ZNF343: variants seen among roughly 807,000 people sequenced by gnomAD.
The protein encoded by ZNF343 is zinc finger protein 343.
ZNF343 carries 11 observed loss-of-function variants against 13.8 expected under a neutral mutation model. That is an observed-to-expected ratio of 0.80 (90% confidence interval 0.50 to 1.32). The LOEUF (loss-of-function observed/expected upper bound fraction) is 1.32. ZNF343 is among the 40% of genes most tolerant of loss of function. ZNF343 has a pLI of 0.00. For missense variants in ZNF343, 658 were observed against 714.2 expected (o/e 0.92, Z 0.90); for synonymous variants, 248 against 260.0 (o/e 0.95, Z 0.44).
intron 3 of ZNF343, 67 bp from the exon 4 acceptor site, chr20:2,493,644 C>T: frequency 1.0e-6 from 1 of 974,914 alleles, no homozygotes; most frequent in Non-Finnish European, 1.5e-6. Context: ...CCATGACGCT[C>T]CCTGAGCAGC....
intron 1 of ZNF343, among the ~76,000 whole-genome samples, chr20:2,506,340 G>A (rs1289933389): frequency 6.6e-6 from 1 of 152,122 alleles, no homozygotes; most frequent in African/African-American, 2.4e-5. Context: ...CTTTTACACT[G>A]TTGGTGGGAC....
In ZNF343 at chr20:2,484,356, GCTGA is replaced by G; in HGVS notation, c.601_604del (p.Ser201GlnfsTer10). ...CACCATGTTGCCTTTTCTAGGACTT[GCTGA>G]CTGTCTTTGGAGTGGGCTGGGGAAT... On this transcript the variant is annotated frameshift_variant, in exon 6 of 6. Coordinates refer to ENST00000278772, the MANE Select transcript of ZNF343 (RefSeq NM_024325.6). LOFTEE classifies it low-confidence loss of function (END_TRUNC). 6.2e-7 allele frequency: 1 copy of G among 1,614,232 alleles called. No homozygotes were observed. The highest frequency in any genetic ancestry group is 1.1e-5 in the South Asian group (1 of 91,086).
At chr20:2,485,090 G>A (rs564208069) in intron 5 of ZNF343, among the ~76,000 whole-genome samples, 3 of 152,230 alleles carry the variant, frequency 2.0e-5, no homozygotes, top group South Asian at 2.1e-4. Context: ...GAGGGCTTCC[G>A]AATGTAGGAG....
chr20:2,498,720 T>C (rs1182529287), intron 2 of ZNF343, among the ~76,000 whole-genome samples: 2 of 152,210 alleles, frequency 1.3e-5, no homozygotes, highest in Non-Finnish European at 2.9e-5. Context: ...AATTACCACA[T>C]TTCTTCCTCA....
At chr20:2,510,727 G>GA (rs2085734210), upstream of ZNF343, among the ~76,000 whole-genome samples, 1 of 152,228 alleles carries the variant, frequency 6.6e-6, no homozygotes, top group Non-Finnish European at 1.5e-5. Flanking sequence ...TTGCCAGTCA[G>GA]AAAACCAATC....
chr20:2,516,009 G>T (rs1225516825), intron 1 of ZNF343, among the ~76,000 whole-genome samples: 1 of 152,100 alleles, frequency 6.6e-6, no homozygotes, highest in Non-Finnish European at 1.5e-5. Context: ...ATGTGAGGGT[G>T]AATGTCAGGG....
In ZNF343 at chr20:2,483,691, G is replaced by A. The variant is rs2085221743; in HGVS notation, c.1270C>T (p.Leu424Phe). The A allele has an allele frequency of 6.2e-7, 1 of 1,610,650 alleles. No individual in the cohort carries two copies. The highest frequency in any genetic ancestry group is 8.5e-7 in the Non-Finnish European group (1 of 1,178,510). Residue 424 changes from leucine (L) to phenylalanine (F), a missense_variant, in exon 6 of 6, where the codon CTC (leucine) becomes TTC (phenylalanine). Coordinates refer to ENST00000278772, the MANE Select transcript of ZNF343 (RefSeq NM_024325.6). Reference protein sequence around the residue: ...CGRGFSQNSDLIKHQRTHLDE... With the variant: ...CGRGFSQNSDFIKHQRTHLDE... The stretch of plus-strand genomic sequence containing the variant: ...AAGTGTGTCCTCTGGTGTTTGATGA[G>A]ATCTGAGTTCTGGCTAAAGCCTCGC...
Position 2,484,373 on chromosome 20 carries a change from T to C in ZNF343, c.588A>G (p.Pro196=), listed in dbSNP as rs767734455. The C allele has an allele frequency of 1.9e-6, 3 of 1,614,076 alleles. No individual in the cohort carries two copies. Among genetic ancestry groups the C allele is most frequent in the African/African-American group, 1.3e-5 (1 of 74,924 alleles). ...ERETSRAFPS[P]LQRQSASPRK... ...TAGGACTTGCTGACTGTCTTTGGAGTGGGCTGGGGAATGCCCTTGAGGTTT... is the reference window on the plus strand; with the variant it reads ...TAGGACTTGCTGACTGTCTTTGGAGCGGGCTGGGGAATGCCCTTGAGGTTT... Residue 196 remains proline, a synonymous_variant, in exon 6 of 6, where the codon CCA becomes CCG. Transcript: ENST00000278772.
In ZNF343 at chr20:2,483,168, G is replaced by A; in HGVS notation, c.1793C>T (p.Thr598Ile). The change falls in exon 6 of 6, where the codon ACA (threonine) becomes ATA (isoleucine). Residue 598 changes from threonine to isoleucine, a missense_variant. Thr to Ile is a moderately conservative substitution (Grantham distance 89). Coordinates refer to ENST00000278772, the MANE Select transcript of ZNF343 (RefSeq NM_024325.6). The part of the protein sequence containing the change: ...HKSNLIRHQR[T>I]H Reference sequence around the variant, plus strand: ...ATACACAGGTTTCTCCCGTCAGTGTGTCCTCTGGTGTCTGATGAGATTTGA... The same window carrying A: ...ATACACAGGTTTCTCCCGTCAGTGTATCCTCTGGTGTCTGATGAGATTTGA... 3 of 1,606,526 alleles carry A rather than the reference G, an allele frequency of 1.9e-6. No individual in the cohort carries two copies. The highest frequency in any genetic ancestry group is 2.6e-6 in the Non-Finnish European group (3 of 1,175,940).
intron 4 of ZNF343, 34 bp from the exon 5 acceptor site, chr20:2,492,859 C>G: frequency 6.2e-7 from 1 of 1,608,310 alleles, no homozygotes; most frequent in Non-Finnish European, 8.5e-7. Context: ...GTATAGCAAG[C>G]CACCATCAAT....
chr20:2,515,400 G>A (rs1255516834), intron 1 of ZNF343, among the ~76,000 whole-genome samples: 1 of 152,230 alleles, frequency 6.6e-6, no homozygotes, highest in East Asian at 1.9e-4. Context: ...AATATGTATT[G>A]TTATATGGAG....
In ZNF343 at chr20:2,490,537, G is replaced by GTTTTTTTTTTTTTTTTTTTTTTT. The variant is rs67601660; in HGVS notation, c.304+2161_304+2162insAAAAAAAAAAAAAAAAAAAAAAA. 3.2e-5 allele frequency among the ~76,000 whole-genome samples: 4 copies of GTTTTTTTTTTTTTTTTTTTTTTT among 124,650 alleles called. 1 individual carries two copies. Among genetic ancestry groups the GTTTTTTTTTTTTTTTTTTTTTTT allele is most frequent in the Non-Finnish European group, 5.3e-5 (3 of 56,700 alleles). The allele number at this position is 124,650 out of a possible 152,430, so 81.8% of individuals were successfully genotyped here. A position where few individuals can be genotyped will look rare whatever the true frequency, so the allele number is the denominator to read the frequency against. ...TGCTGTTTTATGGGTCTTTTTTTTG[G>GTTTTTTTTTTTTTTTTTTTTTTT]TTTTTGTTTTTTTTTTTGAGATGGA... is the stretch of plus-strand genomic sequence containing the variant. On this transcript the variant is annotated intron_variant, in intron 5 of 5. Coordinates refer to ENST00000278772, the MANE Select transcript of ZNF343 (RefSeq NM_024325.6).
chr20:2,517,469 G>A (rs1184669560), intron 1 of ZNF343, among the ~76,000 whole-genome samples: 1 of 151,626 alleles, frequency 6.6e-6, no homozygotes, highest in African/African-American at 2.4e-5. Context: ...CAAAGGGGCA[G>A]CCTGCTGAAG....
Position 2,493,528 on chromosome 20 carries a change from G to A in ZNF343, c.168C>T (p.Ala56=). Residue 56 remains alanine, a synonymous_variant, in exon 4 of 6, where the codon GCC becomes GCT. Coordinates refer to ENST00000278772, the MANE Select transcript of ZNF343 (RefSeq NM_024325.6). The stretch of plus-strand genomic sequence containing the variant: ...TGTAACCCCAACTCACCACTATTTG[G>A]GCCTTTCCCTCCTTTTTCTGGGGGC... ...TDCPQKKEGK[A]QIVVPVTFRD... 2.5e-6 allele frequency: 4 copies of A among 1,613,710 alleles called. No individual in the cohort carries two copies. The highest frequency in any genetic ancestry group is 2.5e-6 in the Non-Finnish European group (3 of 1,179,854).
chr20:2,514,040 G>A (rs1045946406), intron 1 of ZNF343, among the ~76,000 whole-genome samples: 1 of 152,072 alleles, frequency 6.6e-6, no homozygotes, highest in African/African-American at 2.4e-5. Flanking sequence ...AAATATTCTG[G>A]AATTGCCATA....
chr20:2,508,130 T>C lies in ZNF343; in HGVS notation c.-237+751A>G, dbSNP rs1178061501. 4.6e-5 allele frequency among the ~76,000 whole-genome samples: 7 copies of C among 152,108 alleles called. No homozygotes were observed. The highest frequency in any genetic ancestry group is 2.0e-4 in the Admixed American group (3 of 15,282). On this transcript the variant is annotated intron_variant, in intron 1 of 5. Coordinates refer to ENST00000278772, the MANE Select transcript of ZNF343 (RefSeq NM_024325.6). This position sits in a 1 kb window ranked among gnomAD's most constrained non-coding sequence, Gnocchi z 4.5. Reference sequence around the variant, plus strand: ...AAGACCTGCCCCCATTCAAAAGAGCTGCCTAGATGCCTGTCAGAGTGATAC... The same window carrying C: ...AAGACCTGCCCCCATTCAAAAGAGCCGCCTAGATGCCTGTCAGAGTGATAC...
rs149217413 is a variant in ZNF343 at position 2,486,091 on chromosome 20, A to G, written c.305-1435T>C. Reference sequence around the variant, plus strand: ...TCGCTGCCATCTTTTTGGATTATCTAGAAGCATACCAAGTCATTCAGACTG... The same window carrying G: ...TCGCTGCCATCTTTTTGGATTATCTGGAAGCATACCAAGTCATTCAGACTG... On this transcript the variant is annotated intron_variant, in intron 5 of 5. Coordinates refer to ENST00000278772, the MANE Select transcript of ZNF343 (RefSeq NM_024325.6). Among the ~76,000 whole-genome samples, 496 of 152,326 alleles carry G rather than the reference A, an allele frequency of 3.3e-3. 2 individuals carry two copies. Among genetic ancestry groups the G allele is most frequent in the African/African-American group, 0.011 (459 of 41,566 alleles).
At chr20:2,504,988 A>G (rs961588730) in intron 1 of ZNF343, among the ~76,000 whole-genome samples, 1 of 152,220 alleles carries the variant, frequency 6.6e-6, no homozygotes, top group African/African-American at 2.4e-5. Context: ...AAGGGTATTC[A>G]GTTAGGAAAA....
At position 2,483,084 on chromosome 20, in the gene ZNF343, G is replaced by T; in HGVS notation, c.*77C>A. 1 of 1,486,810 alleles carries T rather than the reference G, an allele frequency of 6.7e-7. No homozygotes were observed. Among genetic ancestry groups the T allele is most frequent in the Non-Finnish European group, 9.1e-7 (1 of 1,101,072 alleles). The allele number at this position is 1,486,810 out of a possible 1,614,324, so 92.1% of individuals were successfully genotyped here. On this transcript the variant is annotated 3_prime_UTR_variant, in exon 6 of 6. Transcript: ENST00000278772. Reference sequence around the variant, plus strand: ...TGTACACAGGGTCTACTCCCCATGTGTCTCTCTGGGGTAACATGAGGCTTG... The same window carrying T: ...TGTACACAGGGTCTACTCCCCATGTTTCTCTCTGGGGTAACATGAGGCTTG...
Sources: allele counts gnomAD v4.1 joint callset (sites outside exome capture counted in the v4.1 genomes callset), GRCh38; gene constraint gnomAD v4.1.1; non-coding constraint Gnocchi (gnomAD v3.1); transcripts MANE v1.5; gene names NCBI Gene and HGNC (gene_info 2026-07-23, HGNC 2026-07-21).